Variants in CDH13 observed in about 807,000 individuals in gnomAD.
CDH13 encodes cadherin-13.
In CDH13, 24 loss-of-function variants were observed where a neutral mutation model predicts 63.8. The ratio of observed to expected loss-of-function variants is 0.38; its 90% CI spans 0.27 to 0.53. CDH13 has a LOEUF of 0.53. CDH13 is among the 20% of genes least tolerant of loss of function. CDH13 has a pLI of 0.85. For missense variants in CDH13, 1,049 were observed against 903.1 expected (o/e 1.16, Z -2.07); for synonymous variants, 503 against 355.3 (o/e 1.42, Z -4.67).
intron 1 of CDH13, among the ~76,000 whole-genome samples, chr16:82,720,168 G>C (rs922002393): frequency 1.3e-5 from 2 of 152,068 alleles, no homozygotes; most frequent in Non-Finnish European, 2.9e-5. Flanking sequence ...AGTGAGTGAC[G>C]GTGGTCGTAG....
At chr16:83,075,883 G>A (rs564692585) in intron 3 of CDH13, among the ~76,000 whole-genome samples, 44 of 152,264 alleles carry the variant, frequency 2.9e-4, no homozygotes, top group Middle Eastern at 6.8e-3. Context: ...ATATTCATGG[G>A]CAGAATTGCT....
chr16:83,610,101 T>C (rs1908719109), intron 8 of CDH13, among the ~76,000 whole-genome samples: 1 of 152,252 alleles, frequency 6.6e-6, no homozygotes, highest in Non-Finnish European at 1.5e-5. Context: ...TTATACCACA[T>C]TTTATGCATT....
In CDH13 at chr16:82,938,165, G is replaced by A. The variant is rs535808337; in HGVS notation, c.157+79692G>A. Among the ~76,000 whole-genome samples the A allele has an allele frequency of 6.0e-4, 92 of 152,290 alleles. No individual in the cohort carries two copies. In the South Asian group the frequency reaches 0.017, roughly 28 times the overall value. ...TATCTTAAGAGCCTTTACTGAAAAG[G>A]GCATTGAGTTACACAGGCAATAGCT... is the stretch of plus-strand genomic sequence containing the variant. On this transcript the variant is annotated intron_variant, in intron 2 of 13. Coordinates refer to ENST00000567109, the MANE Select transcript of CDH13 (RefSeq NM_001257.5).
At chr16:83,331,063 A>C (rs1384712501) in intron 5 of CDH13, among the ~76,000 whole-genome samples, 3 of 152,212 alleles carry the variant, frequency 2.0e-5, no homozygotes, top group Admixed American at 6.5e-5. Context: ...TCCATCTCAA[A>C]GATGAGGAAA....
intron 2 of CDH13, chr16:82,954,244 C>T (rs944655783): frequency 3.9e-5 from 6 of 152,096 alleles, no homozygotes; most frequent in African/African-American, 1.4e-4. Flanking sequence ...TCTTCCGACT[C>T]CTGTTTGTAA....
intron 1 of CDH13, among the ~76,000 whole-genome samples, chr16:82,641,937 G>T (rs562088017): frequency 6.6e-6 from 1 of 152,236 alleles, no homozygotes; most frequent in South Asian, 2.1e-4. Context: ...GGTAGATAGC[G>T]ACAGGCAGAG....
chr16:83,352,491 C>A (rs926928887), intron 6 of CDH13, among the ~76,000 whole-genome samples: 3 of 152,250 alleles, frequency 2.0e-5, no homozygotes, highest in African/African-American at 7.2e-5. Context: ...GGAAAAGAAG[C>A]CACTGTATCA....
chr16:82,992,218 T>C (rs1340944811), intron 2 of CDH13, among the ~76,000 whole-genome samples: 1 of 152,178 alleles, frequency 6.6e-6, no homozygotes, highest in Non-Finnish European at 1.5e-5. Flanking sequence ...TGGGAAAGCA[T>C]GGCCTTATCT....
intron 10 of CDH13, among the ~76,000 whole-genome samples, chr16:83,705,811 G>A (rs909479732): frequency 3.3e-5 from 5 of 152,122 alleles, no homozygotes; most frequent in Non-Finnish European, 5.9e-5. Context: ...GGGAATGTTG[G>A]GTCAAGTGAT....
chr16:82,986,244 C>G (rs1437032052), intron 2 of CDH13, among the ~76,000 whole-genome samples: 2 of 152,152 alleles, frequency 1.3e-5, no homozygotes, highest in Non-Finnish European at 2.9e-5. Context: ...ATTGGTACGT[C>G]TGAGCCTGAG....
At chr16:82,916,017 A>C (rs2041976450) in intron 2 of CDH13, among the ~76,000 whole-genome samples, 2 of 152,072 alleles carry the variant, frequency 1.3e-5, no homozygotes, top group Admixed American at 1.3e-4. Flanking sequence ...TTTAATTAAT[A>C]CTTTAAAATA....
At chr16:83,374,941 G>A (rs1337075222) in intron 6 of CDH13, among the ~76,000 whole-genome samples, 2 of 152,166 alleles carry the variant, frequency 1.3e-5, no homozygotes, top group African/African-American at 4.8e-5. Context: ...AGTGCAAAGG[G>A]TTTGAGTCAA....
chr16:83,660,631 T>C (rs1218818146), intron 8 of CDH13, among the ~76,000 whole-genome samples: 1 of 152,210 alleles, frequency 6.6e-6, no homozygotes, highest in Non-Finnish European at 1.5e-5. Flanking sequence ...CCCCACTTCA[T>C]TGAATTCCCT....
At position 83,783,363 on chromosome 16, in the gene CDH13, C is replaced by T. The variant is rs376617301; in HGVS notation, c.2025C>T (p.Leu675=). ...CACCCATGACGAATATCACAGATCT[C>T]AGGGTACAAGTGTGCTCCTGCAGGA... ...GKPPMTNITD[L]RVQVCSCRNS... is the part of the protein sequence containing the mutation. The change falls in exon 13 of 14, where the codon CTC becomes CTT. Residue 675 remains leucine (L), a synonymous_variant. Transcript: ENST00000567109. 2.5e-6 allele frequency: 4 copies of T among 1,613,974 alleles called. No individual in the cohort carries two copies. The highest frequency in any genetic ancestry group is 3.4e-6 in the Non-Finnish European group (4 of 1,179,852).
chr16:82,828,752 TACA>T (rs1454830998), intron 1 of CDH13, among the ~76,000 whole-genome samples: 3 of 151,906 alleles, frequency 2.0e-5, no homozygotes, highest in Non-Finnish European at 4.4e-5. Flanking sequence ...AAAAATACAG[TACA>T]ACTATTTTCA....
intron 1 of CDH13, among the ~76,000 whole-genome samples, chr16:82,754,215 C>T: frequency 6.6e-6 from 1 of 152,180 alleles, no homozygotes; most frequent in East Asian, 1.9e-4. Context: ...AAGAACCTTT[C>T]ATGTCTATTT....
Position 83,340,767 on chromosome 16 carries a change from C to T in CDH13, c.637-4095C>T, listed in dbSNP as rs118036615. On this transcript the variant is annotated intron_variant, in intron 5 of 13. Transcript: ENST00000567109. ...GACATTGGTCAGATGTGTAATTGCT[C>T]GGAGTTCAGGCTACCTACTATGGAA... Among the ~76,000 whole-genome samples the T allele has an allele frequency of 9.8e-4, 149 of 152,270 alleles. 4 individuals carry two copies. In the East Asian group the frequency reaches 0.026, roughly 27 times the overall value.
At chr16:83,628,078 C>T (rs183567480) in intron 8 of CDH13, among the ~76,000 whole-genome samples, 10 of 152,204 alleles carry the variant, frequency 6.6e-5, no homozygotes, top group East Asian at 5.8e-4. Flanking sequence ...GGTGTTTTTC[C>T]GGCTTCTTTA....
chr16:83,360,277 C>G (rs2151384796), intron 6 of CDH13, among the ~76,000 whole-genome samples: 1 of 152,238 alleles, frequency 6.6e-6, no homozygotes, highest in East Asian at 1.9e-4. Context: ...GACAATGTAC[C>G]ACGTACGGAA....
Sources: allele counts gnomAD v4.1 joint callset (sites outside exome capture counted in the v4.1 genomes callset), GRCh38; gene constraint gnomAD v4.1.1; transcripts MANE v1.5; gene names NCBI Gene and HGNC (gene_info 2026-07-23, HGNC 2026-07-21).